USP46: variants seen among roughly 807,000 people sequenced by gnomAD.
The protein encoded by USP46 is ubiquitin carboxyl-terminal hydrolase 46.
A neutral mutation model predicts 44.4 loss-of-function variants in USP46; 12 were observed. That is an observed-to-expected ratio of 0.27 (90% CI 0.17 to 0.44). The LOEUF (loss-of-function observed/expected upper bound fraction) is 0.44, where lower values mean the gene tolerates loss of function less well. USP46 is among the 20% of genes least tolerant of loss of function. USP46 has a pLI of 1.00. For synonymous variants in USP46, 155 were observed against 161.5 expected (o/e 0.96, Z 0.31); for missense variants, 248 against 444.8 (o/e 0.56, Z 3.98).
chr4:52,651,266 A>T (rs1205719561), intron 1 of USP46, among the ~76,000 whole-genome samples: 3 of 152,138 alleles, frequency 2.0e-5, no homozygotes, highest in Non-Finnish European at 4.4e-5. Context: ...TTCTCCAAGC[A>T]TGGTCCTCAG....
At chr4:52,607,541 C>A (rs1560393440) in intron 5 of USP46, among the ~76,000 whole-genome samples, 1 of 152,180 alleles carries the variant, frequency 6.6e-6, no homozygotes, top group South Asian at 2.1e-4. Flanking sequence ...CTTAAAAATA[C>A]ACTTTGGGGC....
chr4:52,604,496 C>G lies in USP46; in HGVS notation c.722+5G>C. 1 of 1,610,314 alleles carries G rather than the reference C, an allele frequency of 6.2e-7. No individual in the cohort carries two copies. Among genetic ancestry groups the G allele is most frequent in the Non-Finnish European group, 8.5e-7 (1 of 1,177,894 alleles). ...AAGATAACCCTGAGCTAAATCTTTA[C>G]CTACCTTTTCTGGGCTTCTTGTTTG... On this transcript the variant is annotated splice_donor_5th_base_variant and intron_variant, in intron 6 of 8. Coordinates refer to ENST00000441222, the MANE Select transcript of USP46 (RefSeq NM_022832.4).
chr4:52,652,361 T>C (rs1182593888), intron 1 of USP46, among the ~76,000 whole-genome samples: 1 of 152,202 alleles, frequency 6.6e-6, no homozygotes, highest in Non-Finnish European at 1.5e-5. Flanking sequence ...TCAAATTCCT[T>C]TGACCCAGCA....
chr4:52,612,262 G>A (rs1008639590), intron 4 of USP46, among the ~76,000 whole-genome samples: 8 of 152,196 alleles, frequency 5.3e-5, no homozygotes, highest in African/African-American at 1.2e-4. Context: ...TATAAAAAAG[G>A]CATCTTTATA....
intron 4 of USP46, 56 bp downstream of exon 4, chr4:52,625,962 C>G: frequency 6.7e-7 from 1 of 1,491,218 alleles, no homozygotes; most frequent in South Asian, 1.2e-5. Context: ...TCACATGCAA[C>G]ATAGCGTACA....
At chr4:52,648,992 G>A (rs955511449) in intron 1 of USP46, among the ~76,000 whole-genome samples, 1 of 152,198 alleles carries the variant, frequency 6.6e-6, no homozygotes, top group Non-Finnish European at 1.5e-5. Context: ...GATTAGAAGA[G>A]TCCTGTGGGC....
At chr4:52,631,036 A>T (rs1204788831) in intron 2 of USP46, 28 bp downstream of exon 2, 1 of 1,540,112 alleles carries the variant, frequency 6.5e-7, no homozygotes, top group Admixed American at 2.0e-5. Flanking sequence ...AAAACATTTG[A>T]TGAAAATAAT....
At chr4:52,607,297 G>A (rs901574552) in intron 5 of USP46, among the ~76,000 whole-genome samples, 3 of 152,166 alleles carry the variant, frequency 2.0e-5, no homozygotes, top group Admixed American at 6.5e-5. Flanking sequence ...AGGAGAAGGC[G>A]AGGACCCCAG....
rs560131230 is a variant in USP46 at position 52,626,491 on chromosome 4, A to G, written c.332-244T>C. Among the ~76,000 whole-genome samples, 7 of 152,126 alleles carry G rather than the reference A, an allele frequency of 4.6e-5. No individual in the cohort carries two copies. The South Asian group carries it at 1.0e-3, about 23-fold the overall frequency. On this transcript the variant is annotated intron_variant, in intron 3 of 8. Coordinates refer to ENST00000441222, the MANE Select transcript of USP46 (RefSeq NM_022832.4). ...TGCATGCCACCACACCCAGCTAGCT[A>G]ATTTTTGTATTTTTAGTAGAGACCA... is the stretch of plus-strand genomic sequence containing the variant.
intron 1 of USP46, among the ~76,000 whole-genome samples, chr4:52,632,980 G>GAAAGAAAGAAAAGA (rs1553891291): frequency 5.6e-4 from 40 of 71,456 alleles, no homozygotes; most frequent in Admixed American, 1.5e-3. Flanking sequence ...AAGAAAGAAA[G>GAAAGAAAGAAAAGA]AAAGAAAAGA....
chr4:52,623,447 A>C (rs1717453865), intron 4 of USP46, among the ~76,000 whole-genome samples: 1 of 152,224 alleles, frequency 6.6e-6, no homozygotes, highest in South Asian at 2.1e-4. Flanking sequence ...AAGTATATTA[A>C]AGGCTCTAAC....
chr4:52,629,585 G>A lies in USP46; in HGVS notation c.118-1422C>T, dbSNP rs1217757615. 3.1e-5 allele frequency: 14 copies of A among 455,996 alleles called. No individual in the cohort carries two copies. The East Asian group carries it at 7.6e-4, about 25-fold the overall frequency. 28.2% of individuals were successfully genotyped at this position (455,996 alleles called of 1,614,324 possible). On this transcript the variant is annotated intron_variant, in intron 2 of 8. Transcript: ENST00000441222. Reference sequence around the variant, plus strand: ...ACCAACACAATGCCCTATATTCCAGGGCTTAGCTTTCCTCCTTCCATTTTT... The same window carrying A: ...ACCAACACAATGCCCTATATTCCAGAGCTTAGCTTTCCTCCTTCCATTTTT...
chr4:52,599,739 C>G (rs1332450284), intron 7 of USP46, among the ~76,000 whole-genome samples: 2 of 152,060 alleles, frequency 1.3e-5, no homozygotes, highest in Non-Finnish European at 2.9e-5. Flanking sequence ...GTTGAAAAAG[C>G]CAAACTTCCC....
chr4:52,618,564 C>T (rs1333733314), intron 4 of USP46, among the ~76,000 whole-genome samples: 1 of 152,082 alleles, frequency 6.6e-6, no homozygotes, highest in African/African-American at 2.4e-5. Flanking sequence ...CAGAGAGAGA[C>T]CCTAACTCTA....
At chr4:52,656,274 A>G (rs1466669656) in intron 1 of USP46, 1 of 1,550,960 alleles carries the variant, frequency 6.4e-7, no homozygotes, top group Admixed American at 2.0e-5. Flanking sequence ...AAGCAGTGAG[A>G]AGGGACCTGT....
At chr4:52,607,986 T>A (rs371225569) in intron 5 of USP46, among the ~76,000 whole-genome samples, 27 of 152,318 alleles carry the variant, frequency 1.8e-4, no homozygotes, top group African/African-American at 6.5e-4. Flanking sequence ...ACAGGGCTGG[T>A]CCAAAAGTAG....
Position 52,617,684 on chromosome 4 carries a change from G to A in USP46, c.562-7067C>T, listed in dbSNP as rs146586190. On this transcript the variant is annotated intron_variant, in intron 4 of 8. Transcript: ENST00000441222. ...TAATGTGGTTTTTTTGGGGTGGGGC[G>A]TGGAGGAAGGGTGTTGGTTTGGGGG... 8.2e-3 allele frequency among the ~76,000 whole-genome samples: 1,251 copies of A among 152,284 alleles called. 17 individuals are homozygous for A. Among genetic ancestry groups the A allele is most frequent in the African/African-American group, 0.029 (1,196 of 41,546 alleles).
intron 1 of USP46, chr4:52,656,589 C>A (rs1160131072): frequency 7.7e-7 from 1 of 1,297,226 alleles, no homozygotes; most frequent in Non-Finnish European, 9.8e-7. Flanking sequence ...GATGACATAA[C>A]AATGAGAAAG....
Position 52,619,228 on chromosome 4 carries a change from C to G in USP46, c.561+6790G>C, listed in dbSNP as rs574742237. 1.5e-4 allele frequency among the ~76,000 whole-genome samples: 23 copies of G among 151,990 alleles called. No homozygotes were observed. In the South Asian group the frequency reaches 3.1e-3, roughly 21 times the overall value. On this transcript the variant is annotated intron_variant, in intron 4 of 8. Coordinates refer to ENST00000441222, the MANE Select transcript of USP46 (RefSeq NM_022832.4). ...TCTCCAAGTCTATTGCAGAATGAAA[C>G]TGTCTCCATAAATCCCTCAGTTGAC...
Sources: allele counts gnomAD v4.1 joint callset (sites outside exome capture counted in the v4.1 genomes callset), GRCh38; gene constraint gnomAD v4.1.1; transcripts MANE v1.5; gene names NCBI Gene and HGNC (gene_info 2026-07-23, HGNC 2026-07-21).